Variants in IL1RL1 observed in about 807,000 individuals in gnomAD.
The protein encoded by IL1RL1 is interleukin 1 receptor like 1.
In IL1RL1, 32 loss-of-function variants were observed where a neutral mutation model predicts 50.9. That is an observed-to-expected ratio of 0.63 (90% CI 0.47 to 0.84). IL1RL1 has a LOEUF of 0.84. Among genes scored for constraint, IL1RL1 ranks in the 40% least tolerant of loss-of-function variants. The probability of loss-of-function intolerance (pLI) is 0.00; values close to 1 mark genes in which losing one functional copy is unlikely to be tolerated. For missense variants in IL1RL1, 773 were observed against 662.9 expected (o/e 1.17, Z -1.82); for synonymous variants, 275 against 236.0 (o/e 1.17, Z -1.51).
intron 3 of IL1RL1, among the ~76,000 whole-genome samples, chr2:102,339,787 C>T (rs556680343): frequency 6.6e-6 from 1 of 152,104 alleles, no homozygotes; most frequent in African/African-American, 2.4e-5. Context: ...ATCACTGGTA[C>T]AGAGTAAACT....
At position 102,343,164 on chromosome 2, in the gene IL1RL1, G is replaced by C; in HGVS notation, c.811G>C (p.Gly271Arg). ...FGEPRIQQEE[G>R]QNQSFSNGLA... ...TGAACCAAGAATTCAACAAGAGGAA[G>C]GGCAAAATCAAAGGTATTTTTATAT... Residue 271 changes from glycine (G) to arginine (R), a missense_variant, in exon 7 of 11, where the codon GGG becomes CGG. Physicochemically the swap from Gly to Arg is moderately radical, Grantham distance 125. Coordinates refer to ENST00000233954, the MANE Select transcript of IL1RL1 (RefSeq NM_016232.5). 1 of 1,614,084 alleles carries C rather than the reference G, an allele frequency of 6.2e-7. No homozygotes were observed. The highest frequency in any genetic ancestry group is 8.5e-7 in the Non-Finnish European group (1 of 1,180,006).
intron 1 of IL1RL1, among the ~76,000 whole-genome samples, chr2:102,324,652 C>T (rs1403777942): frequency 6.6e-6 from 1 of 152,222 alleles, no homozygotes; most frequent in Non-Finnish European, 1.5e-5. Flanking sequence ...CACTCCCACC[C>T]TAATACTGTG....
Position 102,344,882 on chromosome 2 carries a change from T to C in IL1RL1, c.970+1467T>C, listed in dbSNP as rs1157995422. The C allele has an allele frequency of 3.1e-6, 3 of 973,154 alleles. No homozygotes were observed. The African/African-American group carries it at 5.3e-5, about 17-fold the overall frequency. The allele number at this position is 973,154 out of a possible 1,614,324, so 60.3% of individuals were successfully genotyped here. A position where few individuals can be genotyped will look rare whatever the true frequency, so the allele number is the denominator to read the frequency against. On this transcript the variant is annotated intron_variant, in intron 8 of 10. Coordinates refer to ENST00000233954, the MANE Select transcript of IL1RL1 (RefSeq NM_016232.5). ...ATTGTTTATTGCTTCCCTACAGTTT[T>C]TTCTGAATCTAGCAGGATTTTAATG...
Position 102,339,025 on chromosome 2 carries a change from A to G in IL1RL1, c.250A>G (p.Ile84Val), listed in dbSNP as rs761888450. 1 of 1,613,176 alleles carries G rather than the reference A, an allele frequency of 6.2e-7. No individual in the cohort carries two copies. The highest frequency in any genetic ancestry group is 1.1e-5 in the South Asian group (1 of 91,066). ...FLPAAVADSG[I>V]YTCIVRSPTF... ...ACCAGCTGCAGTTGCTGATTCTGGT[A>G]TTTATACCTGTATTGTCAGAAGGTA... is the stretch of plus-strand genomic sequence containing the variant. The change falls in exon 3 of 11, where the codon ATT (isoleucine) becomes GTT (valine). Residue 84 changes from isoleucine (I) to valine (V), a missense_variant. By Grantham distance (29) the Ile-to-Val change is conservative. Coordinates refer to ENST00000233954, the MANE Select transcript of IL1RL1 (RefSeq NM_016232.5).
intron 1 of IL1RL1, among the ~76,000 whole-genome samples, chr2:102,320,338 A>T (rs1676800977): frequency 1.3e-5 from 2 of 152,156 alleles, no homozygotes; most frequent in South Asian, 4.1e-4. Flanking sequence ...GGGAAGGATG[A>T]ACACTTATTC....
intron 8 of IL1RL1, chr2:102,346,055 T>C (rs758897350): frequency 1.0e-6 from 1 of 977,288 alleles, no homozygotes; most frequent in Non-Finnish European, 1.2e-6. Context: ...GGTTACACTC[T>C]GTTTCAGCAA....
chr2:102,344,868 C>T, intron 8 of IL1RL1: 1 of 967,434 alleles, frequency 1.0e-6, no homozygotes, highest in Non-Finnish European at 1.2e-6. Context: ...TTGTTTATTG[C>T]TTCCCTACAG....
intron 5 of IL1RL1, 144 bp from the exon 6 acceptor site, chr2:102,342,078 TG>T: frequency 1.8e-6 from 1 of 562,892 alleles, no homozygotes; most frequent in Non-Finnish European, 3.2e-6. Flanking sequence ...TGTGTGTGTG[TG>T]TGTGTGTGTT....
At chr2:102,329,406 T>A (rs1317602754) in intron 1 of IL1RL1, among the ~76,000 whole-genome samples, 1 of 152,126 alleles carries the variant, frequency 6.6e-6, no homozygotes, top group East Asian at 1.9e-4. Flanking sequence ...ACCTAGGCAA[T>A]ACCATTCAGG....
chr2:102,322,382 C>G (rs1289004837), intron 1 of IL1RL1, among the ~76,000 whole-genome samples: 12 of 152,184 alleles, frequency 7.9e-5, no homozygotes, highest in African/African-American at 2.9e-4. Flanking sequence ...GGAAACTTAT[C>G]TAAAAGTTTT....
At position 102,339,054 on chromosome 2, in the gene IL1RL1, T is replaced by A; in HGVS notation, c.272+7T>A. The A allele has an allele frequency of 6.3e-7, 1 of 1,592,454 alleles. No individual in the cohort carries two copies. The highest frequency in any genetic ancestry group is 8.6e-7 in the Non-Finnish European group (1 of 1,162,660). On this transcript the variant is annotated splice_region_variant and intron_variant, in intron 3 of 10. Transcript: ENST00000233954. ...ATACCTGTATTGTCAGAAGGTATTATGCAGAAGGCTCCCATCTTCTTTCAC... is the reference window on the plus strand; with the variant it reads ...ATACCTGTATTGTCAGAAGGTATTAAGCAGAAGGCTCCCATCTTCTTTCAC...
chr2:102,347,558 C>G (rs1391537928), intron 8 of IL1RL1, among the ~76,000 whole-genome samples: 1 of 152,194 alleles, frequency 6.6e-6, no homozygotes, highest in African/African-American at 2.4e-5. Context: ...GTGGGCATTT[C>G]CTTTTTTGCA....
chr2:102,346,746 T>A (rs1677796830), intron 8 of IL1RL1, among the ~76,000 whole-genome samples: 2 of 152,226 alleles, frequency 1.3e-5, no homozygotes. Flanking sequence ...TCACATCACC[T>A]TGATAATTCT....
chr2:102,341,168 C>CT (rs112164401), intron 5 of IL1RL1: 301,610 of 870,498 alleles, frequency 0.35, 7,048 homozygotes, highest in Non-Finnish European at 0.36. Context: ...GCAAAACCAG[C>CT]TTTTTTTTTT....
chr2:102,351,514 G>A, intron 10 of IL1RL1, 22 bp from the exon 11 acceptor site: 1 of 1,596,122 alleles, frequency 6.3e-7, no homozygotes, highest in South Asian at 1.1e-5. Context: ...TAAGAAATCT[G>A]ATCTATTTCT....
At chr2:102,339,846 G>C (rs1677472800) in intron 3 of IL1RL1, among the ~76,000 whole-genome samples, 1 of 152,202 alleles carries the variant, frequency 6.6e-6, no homozygotes, top group South Asian at 2.1e-4. Context: ...CAGCATTACA[G>C]CAGATGTAGT....
At chr2:102,324,218 C>T (rs1676924745) in intron 1 of IL1RL1, among the ~76,000 whole-genome samples, 2 of 152,122 alleles carry the variant, frequency 1.3e-5, no homozygotes, top group Admixed American at 6.5e-5. Context: ...TGGAGTGTAA[C>T]ACAAGCACAT....
chr2:102,351,236 A>G (rs551822151), intron 10 of IL1RL1, among the ~76,000 whole-genome samples: 43 of 152,240 alleles, frequency 2.8e-4, no homozygotes, highest in Non-Finnish European at 5.7e-4. Flanking sequence ...TAAGTCTCTA[A>G]TGCAACAATA....
At chr2:102,330,290 T>C (rs908428079) in intron 1 of IL1RL1, among the ~76,000 whole-genome samples, 8 of 145,480 alleles carry the variant, frequency 5.5e-5, no homozygotes, top group African/African-American at 2.0e-4. Flanking sequence ...AATTGGACAA[T>C]GAGAACACAT....
Sources: allele counts gnomAD v4.1 joint callset (sites outside exome capture counted in the v4.1 genomes callset), GRCh38; gene constraint gnomAD v4.1.1; transcripts MANE v1.5; gene names NCBI Gene and HGNC (gene_info 2026-07-23, HGNC 2026-07-21).